Variants in TMTC1 observed in about 807,000 individuals in gnomAD.
TMTC1 encodes transmembrane O-mannosyltransferase targeting cadherins 1.
A neutral mutation model predicts 104.8 loss-of-function variants in TMTC1; 73 were observed. The ratio of observed to expected loss-of-function variants is 0.70; its 90% CI spans 0.58 to 0.85. TMTC1 has a LOEUF of 0.85. Among genes scored for constraint, TMTC1 ranks in the 40% least tolerant of loss-of-function variants. The probability of loss-of-function intolerance (pLI) is 0.00; values close to 1 mark genes in which losing one functional copy is unlikely to be tolerated. For synonymous variants in TMTC1, 434 were observed against 428.7 expected (o/e 1.01, Z -0.15); for missense variants, 1,035 against 1,096.1 (o/e 0.94, Z 0.79).
intron 9 of TMTC1, among the ~76,000 whole-genome samples, chr12:29,559,944 A>G (rs1209700660): frequency 6.6e-6 from 1 of 152,220 alleles, no homozygotes; most frequent in Non-Finnish European, 1.5e-5. Flanking sequence ...ATACAGATGT[A>G]AATATTTTCT....
At chr12:29,688,946 A>G (rs1941180131) in intron 5 of TMTC1, among the ~76,000 whole-genome samples, 1 of 152,122 alleles carries the variant, frequency 6.6e-6, no homozygotes, top group Non-Finnish European at 1.5e-5. Context: ...GAGATCTAAG[A>G]AAAGTGTCAG....
At chr12:29,761,566 T>C (rs1324132462) in intron 2 of TMTC1, among the ~76,000 whole-genome samples, 2 of 128,798 alleles carry the variant, frequency 1.6e-5, no homozygotes, top group African/African-American at 5.9e-5. Context: ...TTTTGCTACA[T>C]ATCCATGCAT....
intron 5 of TMTC1, among the ~76,000 whole-genome samples, chr12:29,684,792 G>A (rs1486020034): frequency 2.6e-5 from 4 of 152,096 alleles, no homozygotes; most frequent in Middle Eastern, 3.4e-3. Context: ...CCCCCTCTCC[G>A]GCCACACACA....
chr12:29,613,897 A>C, intron 6 of TMTC1: 4 of 961,500 alleles, frequency 4.2e-6, no homozygotes, highest in Non-Finnish European at 4.9e-6. Flanking sequence ...TTCACAAAGC[A>C]AGTCACACTC....
chr12:29,677,852 C>A (rs922511800), intron 5 of TMTC1, among the ~76,000 whole-genome samples: 1 of 152,242 alleles, frequency 6.6e-6, no homozygotes, highest in Non-Finnish European at 1.5e-5. Context: ...AGCAGCGATG[C>A]TGCCATATGG....
chr12:29,683,230 T>C (rs1940980046), intron 5 of TMTC1, among the ~76,000 whole-genome samples: 1 of 152,198 alleles, frequency 6.6e-6, no homozygotes. Flanking sequence ...ATTCCTTTAA[T>C]GTACAATACC....
At chr12:29,604,109 C>T (rs1946633975) in intron 7 of TMTC1, 69 bp downstream of exon 7, 6 of 1,596,214 alleles carry the variant, frequency 3.8e-6, no homozygotes, top group Non-Finnish European at 3.4e-6. Context: ...AGAAGACTGT[C>T]TCTCTGGAAC....
chr12:29,714,329 G>A (rs1169723794), intron 5 of TMTC1, among the ~76,000 whole-genome samples: 1 of 152,194 alleles, frequency 6.6e-6, no homozygotes, highest in Non-Finnish European at 1.5e-5. Flanking sequence ...AGTGCTTTAT[G>A]CATATTGCCT....
chr12:29,552,350 T>C (rs1230560930), intron 10 of TMTC1, among the ~76,000 whole-genome samples: 3 of 152,226 alleles, frequency 2.0e-5, no homozygotes, highest in South Asian at 2.1e-4. Flanking sequence ...TGTTTTAATA[T>C]TAATCACATG....
At chr12:29,710,324 A>T (rs1481783362) in intron 5 of TMTC1, among the ~76,000 whole-genome samples, 1 of 152,050 alleles carries the variant, frequency 6.6e-6, no homozygotes, top group Non-Finnish European at 1.5e-5. Flanking sequence ...TCCCAGCTGC[A>T]TGCCAATTAG....
intron 9 of TMTC1, 81 bp from the exon 10 acceptor site, chr12:29,557,081 G>C (rs1945265644): frequency 6.7e-7 from 1 of 1,482,512 alleles, no homozygotes; most frequent in Non-Finnish European, 9.2e-7. Flanking sequence ...CTTCCCCCAA[G>C]TATGAACAGC....
At chr12:29,760,173 C>A (rs914187851) in intron 2 of TMTC1, among the ~76,000 whole-genome samples, 1 of 152,114 alleles carries the variant, frequency 6.6e-6, no homozygotes, top group African/African-American at 2.4e-5. Flanking sequence ...GACAAAATCA[C>A]CTAACCACTC....
chr12:29,636,279 G>A (rs945808342), intron 5 of TMTC1, among the ~76,000 whole-genome samples: 5 of 152,046 alleles, frequency 3.3e-5, no homozygotes, highest in Admixed American at 3.3e-4. Flanking sequence ...TTTTTAACTA[G>A]GGAAAAAAGG....
intron 7 of TMTC1, among the ~76,000 whole-genome samples, chr12:29,595,691 A>G (rs968603578): frequency 1.1e-4 from 16 of 152,214 alleles, no homozygotes; most frequent in Admixed American, 6.5e-4. Context: ...AAAGGCACAG[A>G]CACATTCAAG....
intron 9 of TMTC1, among the ~76,000 whole-genome samples, chr12:29,567,073 T>A (rs1220229612): frequency 3.3e-5 from 5 of 152,184 alleles, no homozygotes; most frequent in Non-Finnish European, 7.3e-5. Context: ...ATCTCTTGCC[T>A]CCATTCATGA....
chr12:29,696,979 CTTTAAG>C (rs1374223200), intron 5 of TMTC1, among the ~76,000 whole-genome samples: 3 of 152,126 alleles, frequency 2.0e-5, no homozygotes, highest in African/African-American at 4.8e-5. Flanking sequence ...TAAAAGTATA[CTTTAAG>C]TTTACGTGTA....
At chr12:29,700,882 A>C (rs926175393) in intron 5 of TMTC1, among the ~76,000 whole-genome samples, 2 of 152,164 alleles carry the variant, frequency 1.3e-5, no homozygotes, top group African/African-American at 4.8e-5. Flanking sequence ...TTTTAAAGAA[A>C]ACTTACATTA....
At chr12:29,672,722 G>A (rs533110976) in intron 5 of TMTC1, among the ~76,000 whole-genome samples, 4 of 152,200 alleles carry the variant, frequency 2.6e-5, no homozygotes, top group East Asian at 1.9e-4. Flanking sequence ...TCAGACACAC[G>A]TACACACTGA....
intron 2 of TMTC1, among the ~76,000 whole-genome samples, chr12:29,766,110 T>C (rs1313961481): frequency 2.6e-5 from 4 of 152,234 alleles, no homozygotes; most frequent in Non-Finnish European, 5.9e-5. Flanking sequence ...CTCATACTCA[T>C]CCACTTAAAG....
Sources: allele counts gnomAD v4.1 joint callset (sites outside exome capture counted in the v4.1 genomes callset), GRCh38; gene constraint gnomAD v4.1.1; transcripts MANE v1.5; gene names NCBI Gene and HGNC (gene_info 2026-07-23, HGNC 2026-07-21).